Variants in SLC17A1 observed in about 807,000 individuals in gnomAD.
SLC17A1 encodes sodium-dependent phosphate transport protein 1.
In SLC17A1, 51 loss-of-function variants were observed where a neutral mutation model predicts 53.5. The observed-to-expected ratio is 0.95, with a 90% confidence interval of 0.76 to 1.20. The LOEUF is 1.20. SLC17A1 is among the 50% of genes most tolerant of loss of function. The probability of loss-of-function intolerance (pLI) is 0.00; values close to 1 mark genes in which losing one functional copy is unlikely to be tolerated. For synonymous variants in SLC17A1, 179 were observed against 198.8 expected (o/e 0.90, Z 0.84); for missense variants, 538 against 568.2 (o/e 0.95, Z 0.54).
intron 12 of SLC17A1, among the ~76,000 whole-genome samples, chr6:25,793,421 A>G (rs185774599): frequency 3.1e-4 from 47 of 152,336 alleles, no homozygotes; most frequent in Non-Finnish European, 5.9e-4. Flanking sequence ...GATGAGAAAG[A>G]GAGGCACATT....
the SLC17A1 span, chr6:25,777,733 C>A: frequency 1.8e-6 from 1 of 558,342 alleles, no homozygotes. Context: ...AATCATTGGT[C>A]AGTACATTTC....
chr6:25,776,726 T>C, the SLC17A1 span: 1 of 1,613,954 alleles, frequency 6.2e-7, no homozygotes. Flanking sequence ...TCACTGCCAT[T>C]GGTAAGGGAG....
chr6:25,777,745 T>C, the SLC17A1 span: 19 of 577,048 alleles, frequency 3.3e-5, no homozygotes, highest in Admixed American at 5.3e-4. Context: ...GTACATTTCA[T>C]TCAGGTTTCA....
At chr6:25,727,255 G>A in the SLC17A1 span, 2 of 1,610,786 alleles carry the variant, frequency 1.2e-6, no homozygotes, top group Non-Finnish European at 1.7e-6. Flanking sequence ...GTGTCTGAGG[G>A]CACCAAGGCT....
Position 25,800,877 on chromosome 6 carries a change from G to C in SLC17A1, c.1269+13C>G. 1 of 1,492,664 alleles carries C rather than the reference G, an allele frequency of 6.7e-7. No homozygotes were observed. The highest frequency in any genetic ancestry group is 1.1e-5 in the South Asian group (1 of 87,858). 92.5% of individuals were successfully genotyped at this position (1,492,664 alleles called of 1,614,324 possible). On this transcript the variant is annotated intron_variant, in intron 11 of 12. Transcript: ENST00000244527. ...ATATTGGAAAAATAACTACACATCT[G>C]TATGTTTCTTACCTGCTTAAGGATC...
chr6:25,725,034 A>G, the SLC17A1 span, among the ~76,000 whole-genome samples: 3 of 76,672 alleles, frequency 3.9e-5, no homozygotes, highest in African/African-American at 4.5e-5. Flanking sequence ...TTTTTTTTTG[A>G]GGTAAGGTCA....
the SLC17A1 span, among the ~76,000 whole-genome samples, chr6:25,727,707 G>A: frequency 6.6e-6 from 1 of 152,062 alleles, no homozygotes; most frequent in East Asian, 1.9e-4. Context: ...TGTGGGCCGA[G>A]GGTAGACGAA....
chr6:25,746,803 T>C, the SLC17A1 span, among the ~76,000 whole-genome samples: 1 of 152,224 alleles, frequency 6.6e-6, no homozygotes. Context: ...CTTCTGACCC[T>C]GTACCAGGGT....
chr6:25,764,665 G>A, the SLC17A1 span, among the ~76,000 whole-genome samples: 5 of 152,326 alleles, frequency 3.3e-5, no homozygotes, highest in South Asian at 6.2e-4. Context: ...GTGCTCCTCA[G>A]CTTGGAGTGG....
the SLC17A1 span, among the ~76,000 whole-genome samples, chr6:25,734,114 C>T: frequency 6.6e-6 from 1 of 152,020 alleles, no homozygotes; most frequent in Admixed American, 6.6e-5. Context: ...CTGCACACGG[C>T]CAAAAGTTAT....
intron 10 of SLC17A1, among the ~76,000 whole-genome samples, chr6:25,804,560 A>C (rs896143554): frequency 6.6e-6 from 1 of 152,134 alleles, no homozygotes; most frequent in African/African-American, 2.4e-5. Context: ...TGAATGGTCT[A>C]AATGCTCCAC....
chr6:25,726,164 C>G, the SLC17A1 span: 1 of 1,570,826 alleles, frequency 6.4e-7, no homozygotes, highest in South Asian at 1.2e-5. Flanking sequence ...TGGTGACTCT[C>G]AGTCTTCTTG....
the SLC17A1 span, among the ~76,000 whole-genome samples, chr6:25,740,876 C>T: frequency 7.2e-5 from 11 of 152,046 alleles, no homozygotes; most frequent in African/African-American, 2.2e-4. Context: ...TTAGCAGCAA[C>T]GTGGGCGAAC....
chr6:25,774,285 G>A, the SLC17A1 span, among the ~76,000 whole-genome samples: 1 of 152,182 alleles, frequency 6.6e-6, no homozygotes, highest in African/African-American at 2.4e-5. Flanking sequence ...GCTGACAGGA[G>A]CCTTTCAATT....
the SLC17A1 span, chr6:25,761,859 T>C: frequency 2.5e-5 from 22 of 887,774 alleles, no homozygotes; most frequent in African/African-American, 3.8e-4. Context: ...TCCTAGTTCT[T>C]AGAAAGAATT....
chr6:25,826,526 C>T lies in SLC17A1; in HGVS notation c.142G>A (p.Val48Met), dbSNP rs145586828. The change falls in exon 3 of 13, where the codon GTG (valine) becomes ATG (methionine). Residue 48 changes from valine (V) to methionine (M), a missense_variant. Coordinates refer to ENST00000244527, the MANE Select transcript of SLC17A1 (RefSeq NM_005074.5). ...ACLNLTMVVM[V>M]NSTDPHGLPN... The stretch of plus-strand genomic sequence containing the variant: ...AAACCATGTGGATCTGTGCTATTCA[C>T]CATGACTACCATTGTGAGGTTCAGG... 2.5e-5 allele frequency: 41 copies of T among 1,612,544 alleles called. No homozygotes were observed. In the Middle Eastern group the frequency reaches 6.6e-4, roughly 26 times the overall value.
the SLC17A1 span, chr6:25,726,525 C>T: frequency 6.9e-6 from 11 of 1,603,624 alleles, no homozygotes; most frequent in South Asian, 2.2e-5. Flanking sequence ...CTCGTCCAGA[C>T]ATCTCCTCGC....
the SLC17A1 span, among the ~76,000 whole-genome samples, chr6:25,735,287 G>A: frequency 1.3e-5 from 2 of 152,128 alleles, no homozygotes; most frequent in African/African-American, 4.8e-5. Context: ...GAATGTAGGG[G>A]GATTAAAGAC....
chr6:25,725,058 GTACAA>G, the SLC17A1 span, among the ~76,000 whole-genome samples: 5 of 140,456 alleles, frequency 3.6e-5, no homozygotes, highest in Non-Finnish European at 7.6e-5. Context: ...GTTGAATATC[GTACAA>G]TAATTTTTAA....
Sources: gnomAD v4.1 joint callset for allele counts (sites outside exome capture counted in the v4.1 genomes callset) on GRCh38, gnomAD v4.1.1 for gene constraint, MANE v1.5 for transcripts, NCBI Gene and HGNC (gene_info 2026-07-23, HGNC 2026-07-21) for gene names.